Variants in OSBPL1A observed in about 807,000 individuals in gnomAD.
OSBPL1A encodes oxysterol binding protein like 1A.
A neutral mutation model predicts 137.1 loss-of-function variants in OSBPL1A; 80 were observed. The ratio of observed to expected loss-of-function variants is 0.58; its 90% CI spans 0.49 to 0.70. The LOEUF (loss-of-function observed/expected upper bound fraction) is 0.70, where lower values mean the gene tolerates loss of function less well. Ranked by LOEUF, OSBPL1A falls within the 30% of genes least tolerant of loss-of-function variation. OSBPL1A has a pLI of 0.00. For synonymous variants in OSBPL1A, 365 were observed against 389.7 expected (o/e 0.94, Z 0.75); for missense variants, 970 against 1,129.4 (o/e 0.86, Z 2.02).
chr18:24,207,376 G>A (rs967717047), intron 17 of OSBPL1A, among the ~76,000 whole-genome samples: 4 of 152,152 alleles, frequency 2.6e-5, no homozygotes, highest in African/African-American at 4.8e-5. Flanking sequence ...AAGCCACTGC[G>A]CTCAGCCTCT....
chr18:24,223,861 G>A (rs990425547), intron 17 of OSBPL1A, among the ~76,000 whole-genome samples: 3 of 152,088 alleles, frequency 2.0e-5, no homozygotes, highest in African/African-American at 7.2e-5. Flanking sequence ...TCATCAGACT[G>A]GCATGGTGTA....
At chr18:24,377,994 A>T (rs1906323237) in intron 1 of OSBPL1A, among the ~76,000 whole-genome samples, 4 of 152,238 alleles carry the variant, frequency 2.6e-5, no homozygotes, top group African/African-American at 9.6e-5. Flanking sequence ...GTAAACTAAC[A>T]CATTCAAAAC....
chr18:24,273,629 A>G (rs191138600), intron 15 of OSBPL1A, among the ~76,000 whole-genome samples: 2 of 152,346 alleles, frequency 1.3e-5, no homozygotes, highest in Non-Finnish European at 2.9e-5. Context: ...TCATTCATTC[A>G]AATATTTATT....
At chr18:24,268,655 C>A (rs993683930) in intron 15 of OSBPL1A, among the ~76,000 whole-genome samples, 1 of 152,102 alleles carries the variant, frequency 6.6e-6, no homozygotes, top group East Asian at 1.9e-4. Context: ...CCCTTGATCT[C>A]CCCTGTTCTA....
intron 15 of OSBPL1A, among the ~76,000 whole-genome samples, chr18:24,256,556 C>T (rs1266393821): frequency 6.6e-6 from 1 of 152,158 alleles, no homozygotes; most frequent in African/African-American, 2.4e-5. Context: ...AGATATGGAA[C>T]ACAACAAACG....
intron 2 of OSBPL1A, among the ~76,000 whole-genome samples, chr18:24,375,912 G>A (rs1283417457): frequency 4.6e-5 from 7 of 152,192 alleles, no homozygotes; most frequent in South Asian, 2.1e-4. Context: ...CCCTCGCGGT[G>A]AGTGTTACAG....
chr18:24,368,072 T>TA (rs1295086324), intron 3 of OSBPL1A: 2 of 348,758 alleles, frequency 5.7e-6, no homozygotes, highest in Non-Finnish European at 1.0e-5. Flanking sequence ...AAGCTAGTAA[T>TA]AAAAAAATCT....
chr18:24,293,603 G>A (rs1440125836), intron 14 of OSBPL1A, among the ~76,000 whole-genome samples: 1 of 152,150 alleles, frequency 6.6e-6, no homozygotes, highest in Non-Finnish European at 1.5e-5. Context: ...AAGGAAGGGA[G>A]TGACTACGCC....
chr18:24,376,217 A>C (rs1649930030), intron 2 of OSBPL1A, among the ~76,000 whole-genome samples: 1 of 152,048 alleles, frequency 6.6e-6, no homozygotes. Context: ...GTCTGTTTTG[A>C]CAGGGTGCTG....
At chr18:24,248,039 G>A (rs2088955762) in intron 15 of OSBPL1A, among the ~76,000 whole-genome samples, 1 of 152,132 alleles carries the variant, frequency 6.6e-6, no homozygotes, top group African/African-American at 2.4e-5. Flanking sequence ...AAAAAGGGAG[G>A]AGATCTAATC....
chr18:24,294,653 T>C (rs1189512458), intron 14 of OSBPL1A, among the ~76,000 whole-genome samples: 3 of 152,070 alleles, frequency 2.0e-5, no homozygotes, highest in African/African-American at 7.2e-5. Context: ...GAACAAATGG[T>C]TTTTGGTTTT....
intron 14 of OSBPL1A, among the ~76,000 whole-genome samples, chr18:24,284,022 CT>C (rs941722639): frequency 1.4e-4 from 21 of 151,960 alleles, no homozygotes; most frequent in African/African-American, 4.4e-4. Context: ...GCGTCGAATT[CT>C]TTTGTCCAAA....
intron 15 of OSBPL1A, among the ~76,000 whole-genome samples, chr18:24,279,882 C>G (rs1343564135): frequency 6.6e-6 from 1 of 152,168 alleles, no homozygotes; most frequent in Non-Finnish European, 1.5e-5. Flanking sequence ...CTCTGTCACT[C>G]AGGCTGGAGT....
chr18:24,365,025 C>CAAAAAAAAAAAAAAAA (rs56400717), intron 4 of OSBPL1A, among the ~76,000 whole-genome samples: 16 of 89,548 alleles, frequency 1.8e-4, no homozygotes, highest in South Asian at 4.0e-4. Context: ...AAAACAACAA[C>CAAAAAAAAAAAAAAAA]AAAAAAAAAA....
rs555435092 is a variant in OSBPL1A at position 24,170,662 on chromosome 18, C to G, written c.2292-209G>C. ...TTGAATATTACTATAAAGGTGTGTA[C>G]GACTCACAGAGTCTCACTCTGTTAC... On this transcript the variant is annotated intron_variant, in intron 23 of 27. Transcript: ENST00000319481. The G allele has an allele frequency of 7.6e-6, 4 of 529,392 alleles. No homozygotes were observed. In the Admixed American group the frequency reaches 9.7e-5, roughly 13 times the overall value. 32.8% of individuals were successfully genotyped at this position (529,392 alleles called of 1,614,324 possible). A position where few individuals can be genotyped will look rare whatever the true frequency, so the allele number is the denominator to read the frequency against.
At chr18:24,350,036 A>G (rs1392103003) in intron 4 of OSBPL1A, among the ~76,000 whole-genome samples, 1 of 152,230 alleles carries the variant, frequency 6.6e-6, no homozygotes, top group Non-Finnish European at 1.5e-5. Context: ...GGTGAAGGGA[A>G]GATCCCATCT....
At position 24,327,036 on chromosome 18, in the gene OSBPL1A, C is replaced by T. The variant is rs114000093; in HGVS notation, c.625+5906G>A. Among the ~76,000 whole-genome samples the T allele has an allele frequency of 9.0e-3, 1,357 of 151,482 alleles. 19 individuals are homozygous for T. The highest frequency in any genetic ancestry group is 0.031 in the African/African-American group (1,287 of 41,338). On this transcript the variant is annotated intron_variant, in intron 7 of 27. Transcript: ENST00000319481. ...ACTGTGGCTATGCTTGGGTAATTTG[C>T]GGGTTTTTTCTTTTTTCCTATTTTT...
intron 7 of OSBPL1A, among the ~76,000 whole-genome samples, chr18:24,330,258 C>A (rs1374461208): frequency 6.6e-6 from 1 of 152,098 alleles, no homozygotes; most frequent in Non-Finnish European, 1.5e-5. Flanking sequence ...CCCTTGGATG[C>A]AGCAAACTGG....
rs566422863 is a variant in OSBPL1A at position 24,173,259 on chromosome 18, T to G, written c.2094-776A>C. Among the ~76,000 whole-genome samples, 3 of 152,028 alleles carry G rather than the reference T, an allele frequency of 2.0e-5. No homozygotes were observed. The South Asian group carries it at 6.2e-4, about 32-fold the overall frequency. ...CTGGGGCCTACCTCAGGATGGAGGT[T>G]TGGAGGAGGGAGAGGATCAGAAAAA... On this transcript the variant is annotated intron_variant, in intron 21 of 27. Transcript: ENST00000319481.
Sources: gnomAD v4.1 joint callset for allele counts (sites outside exome capture counted in the v4.1 genomes callset) on GRCh38, gnomAD v4.1.1 for gene constraint, MANE v1.5 for transcripts, NCBI Gene and HGNC (gene_info 2026-07-23, HGNC 2026-07-21) for gene names.